Variants in GRID1 observed in about 807,000 individuals in gnomAD.
GRID1 encodes the protein glutamate ionotropic receptor delta type subunit 1.
Under a neutral mutation model 98.0 loss-of-function variants are expected in GRID1, and 28 were observed. The observed-to-expected ratio is 0.29, with a 90% confidence interval of 0.21 to 0.39. The LOEUF is 0.39. GRID1 is among the 10% of genes least tolerant of loss of function. GRID1 has a pLI of 1.00. For synonymous variants in GRID1, 553 were observed against 538.5 expected, an observed-to-expected ratio of 1.03 and a Z score of -0.37; for missense variants, 1,111 against 1,340.5, an observed-to-expected ratio of 0.83 and a Z score of 2.67.
chr10:86,124,201 G>A (rs933743728), intron 4 of GRID1, among the ~76,000 whole-genome samples: 1 of 152,160 alleles, frequency 6.6e-6, no homozygotes, highest in Non-Finnish European at 1.5e-5. Flanking sequence ...AGATCATGCT[G>A]CTCACCTGCT....
At chr10:86,036,371 C>T (rs769579535) in intron 4 of GRID1, among the ~76,000 whole-genome samples, 2 of 152,162 alleles carry the variant, frequency 1.3e-5, no homozygotes, top group African/African-American at 2.4e-5. Context: ...CTGACAAAAT[C>T]GAGCTTTGAG....
chr10:86,174,016 G>A (rs1413249981), intron 3 of GRID1, among the ~76,000 whole-genome samples: 1 of 152,070 alleles, frequency 6.6e-6, no homozygotes, highest in Non-Finnish European at 1.5e-5. Flanking sequence ...TTGCTATTGT[G>A]AATAGTGCCA....
chr10:85,933,718 G>A (rs560727671), intron 4 of GRID1, among the ~76,000 whole-genome samples: 60 of 152,304 alleles, frequency 3.9e-4, no homozygotes, highest in Non-Finnish European at 8.7e-4. Flanking sequence ...AGGGAAGAAT[G>A]TCAAATGCTT....
chr10:86,186,960 A>G (rs1178094926), intron 3 of GRID1, among the ~76,000 whole-genome samples: 3 of 152,254 alleles, frequency 2.0e-5, no homozygotes, highest in Admixed American at 1.3e-4. Flanking sequence ...GACTAGCTTT[A>G]GAGGTTTAAG....
At chr10:85,671,610 T>A (rs1590183703) in intron 12 of GRID1, among the ~76,000 whole-genome samples, 1 of 152,140 alleles carries the variant, frequency 6.6e-6, no homozygotes, top group African/African-American at 2.4e-5. Flanking sequence ...AATTAGGTGA[T>A]TAATAATCTT....
At chr10:85,694,111 T>C (rs561781920) in intron 12 of GRID1, among the ~76,000 whole-genome samples, 1 of 151,876 alleles carries the variant, frequency 6.6e-6, no homozygotes, top group South Asian at 2.1e-4. Context: ...AAAAAGTGGG[T>C]AAAGGAAATG....
intron 15 of GRID1, among the ~76,000 whole-genome samples, chr10:85,609,756 G>T (rs1414226707): frequency 6.6e-6 from 1 of 152,238 alleles, no homozygotes; most frequent in Non-Finnish European, 1.5e-5. Context: ...TGAGCCCAGT[G>T]ATGGATGACT....
chr10:85,738,788 G>A (rs1056381323), intron 8 of GRID1, among the ~76,000 whole-genome samples: 9 of 152,232 alleles, frequency 5.9e-5, no homozygotes, highest in African/African-American at 1.9e-4. Flanking sequence ...TGGCATTCTC[G>A]CAAAGGCAAT....
rs144515653 is a variant in GRID1, at chr10:86,043,433, G to T, written c.726+95386C>A. Among the ~76,000 whole-genome samples the T allele has an allele frequency of 2.9e-3, 437 of 152,346 alleles. 4 individuals are homozygous for T. The highest frequency in any genetic ancestry group is 0.01 in the African/African-American group (423 of 41,586). On this transcript the variant is annotated intron_variant, in intron 4 of 15. Transcript: ENST00000327946. ...ACCTGGAGGAAGCCAGGGAGCCCAA[G>T]GCAGTCCTCCCCTGGGAGTGCATCC...
At chr10:86,344,234 A>G (rs763612074) in intron 2 of GRID1, among the ~76,000 whole-genome samples, 1 of 152,230 alleles carries the variant, frequency 6.6e-6, no homozygotes. Flanking sequence ...CACCCACTGT[A>G]TGCACACCAT....
chr10:86,144,680 T>C (rs916500476), intron 3 of GRID1, among the ~76,000 whole-genome samples: 1 of 152,176 alleles, frequency 6.6e-6, no homozygotes, highest in Non-Finnish European at 1.5e-5. Context: ...CCTCTCCCCC[T>C]GGGCTTGCAG....
intron 3 of GRID1, among the ~76,000 whole-genome samples, chr10:86,150,570 G>A (rs1287752985): frequency 6.6e-6 from 1 of 152,178 alleles, no homozygotes; most frequent in Non-Finnish European, 1.5e-5. Context: ...TTTTGTTAAT[G>A]CCACAGCCAG....
At chr10:85,720,511 A>G (rs1292677824) in intron 12 of GRID1, among the ~76,000 whole-genome samples, 1 of 152,096 alleles carries the variant, frequency 6.6e-6, no homozygotes, top group Non-Finnish European at 1.5e-5. Context: ...GACAATTTAG[A>G]TACATACAAA....
At chr10:86,320,096 C>T (rs111977489) in intron 2 of GRID1, among the ~76,000 whole-genome samples, 21 of 152,336 alleles carry the variant, frequency 1.4e-4, no homozygotes, top group African/African-American at 4.1e-4. Context: ...CGGCAGAGCG[C>T]GAAAACTCAA....
chr10:86,269,665 C>T (rs1027274582), intron 2 of GRID1, among the ~76,000 whole-genome samples: 13 of 152,214 alleles, frequency 8.5e-5, no homozygotes, highest in Non-Finnish European at 1.5e-4. Flanking sequence ...CCTCAGGCCC[C>T]ATCTAGGGCT....
At chr10:85,775,097 C>G (rs1842316114) in intron 8 of GRID1, among the ~76,000 whole-genome samples, 1 of 152,058 alleles carries the variant, frequency 6.6e-6, no homozygotes, top group Non-Finnish European at 1.5e-5. Context: ...CAATGATAGA[C>G]TGGATTAAGA....
intron 5 of GRID1, among the ~76,000 whole-genome samples, chr10:85,882,401 A>C (rs1175244798): frequency 6.6e-6 from 1 of 152,220 alleles, no homozygotes; most frequent in Non-Finnish European, 1.5e-5. Context: ...AGACTGGATT[A>C]AGAAAATGTG....
At chr10:85,631,342 T>G (rs1198039090) in intron 13 of GRID1, among the ~76,000 whole-genome samples, 2 of 152,206 alleles carry the variant, frequency 1.3e-5, no homozygotes, top group African/African-American at 2.4e-5. Flanking sequence ...TCATGCTGGT[T>G]TTTTCCCCTC....
chr10:85,756,038 T>C (rs900308055), intron 8 of GRID1, among the ~76,000 whole-genome samples: 1 of 152,060 alleles, frequency 6.6e-6, no homozygotes, highest in South Asian at 2.1e-4. Flanking sequence ...GCAATAGTCC[T>C]CCCTTATCTG....
Sources: allele counts gnomAD v4.1 joint callset (sites outside exome capture counted in the v4.1 genomes callset), GRCh38; gene constraint gnomAD v4.1.1; transcripts MANE v1.5; gene names NCBI Gene and HGNC (gene_info 2026-07-23, HGNC 2026-07-21).